GK: variants seen among roughly 807,000 people sequenced by gnomAD.
GK encodes the protein glycerol kinase.
A neutral mutation model predicts 56.4 loss-of-function variants in GK; 9 were observed. That is an observed-to-expected ratio of 0.16 (90% CI 0.10 to 0.28). GK has a LOEUF of 0.28. Among genes scored for constraint, GK ranks in the 10% least tolerant of loss-of-function variants. The pLI is 1.00. For synonymous variants in GK, 104 were observed against 144.1 expected (o/e 0.72, Z 1.99); for missense variants, 161 against 431.4 (o/e 0.37, Z 5.55).
At chrX:30,707,634 C>G (rs758082925) in intron 12 of GK, 36 bp downstream of exon 12, 2 of 726,656 alleles carry the variant, frequency 2.8e-6, no homozygotes, top group South Asian at 4.5e-5. Flanking sequence ...ATTTAAAAGT[C>G]TAAGTTCATC....
At chrX:30,692,528 G>T in intron 5 of GK, among the ~76,000 whole-genome samples, 1 of 109,579 alleles carries the variant, frequency 9.1e-6, no homozygotes, top group South Asian at 4.0e-4. Context: ...GCCCAGGCTG[G>T]AGTGCAGTGG....
chrX:30,664,139 T>A (rs1298690747), intron 1 of GK, among the ~76,000 whole-genome samples: 2 of 87,881 alleles, frequency 2.3e-5, no homozygotes, highest in South Asian at 4.8e-4. Flanking sequence ...TATATATATT[T>A]TATAGATATA....
At chrX:30,690,672 T>C (rs1172092441) in intron 4 of GK, among the ~76,000 whole-genome samples, 1 of 111,871 alleles carries the variant, frequency 8.9e-6, no homozygotes, top group Admixed American at 9.5e-5. Flanking sequence ...AGTTATCTAC[T>C]TTGTCTTAGT....
intron 3 of GK, among the ~76,000 whole-genome samples, chrX:30,675,813 A>AC (rs1933854360): frequency 1.8e-5 from 2 of 109,224 alleles, no homozygotes; most frequent in East Asian, 5.8e-4. Context: ...TTTTTGAGAT[A>AC]CAGTCTCCCT....
chrX:30,658,679 A>G (rs139716287), intron 1 of GK, among the ~76,000 whole-genome samples: 10 of 112,265 alleles, frequency 8.9e-5, no homozygotes, highest in Non-Finnish European at 1.9e-4. Flanking sequence ...CTTGCCCATC[A>G]CATTACACAA....
At chrX:30,712,625 G>A (rs142189644) in intron 13 of GK, among the ~76,000 whole-genome samples, 5,031 of 106,402 alleles carry the variant, frequency 0.047, 132 homozygotes, top group Non-Finnish European at 0.068. Context: ...ATTTATCTCC[G>A]AATACTTAAA....
At chrX:30,679,155 T>A (rs1167775055) in intron 4 of GK, among the ~76,000 whole-genome samples, 1 of 111,035 alleles carries the variant, frequency 9.0e-6, no homozygotes, top group Admixed American at 9.6e-5. Flanking sequence ...TTTACTTTCT[T>A]TTGTTTTCTT....
intron 2 of GK, among the ~76,000 whole-genome samples, chrX:30,666,208 CT>C (rs1933070458): frequency 8.9e-6 from 1 of 111,777 alleles, no homozygotes; most frequent in Non-Finnish European, 1.9e-5. Flanking sequence ...TTTATAGCTA[CT>C]TTATTAAAAG....
At chrX:30,658,402 G>A (rs113592709) in intron 1 of GK, among the ~76,000 whole-genome samples, 2,325 of 110,138 alleles carry the variant, frequency 0.021, 50 homozygotes, top group African/African-American at 0.072. Flanking sequence ...TGCACCCTCC[G>A]CCTCCCAGGT....
intron 9 of GK, 108 bp from the exon 10 acceptor site, chrX:30,700,306 T>A: frequency 2.0e-6 from 1 of 507,621 alleles, no homozygotes; most frequent in Admixed American, 2.8e-5. Flanking sequence ...TTGTCTTGTC[T>A]GCCCACATCC....
At chrX:30,667,888 C>G in intron 2 of GK, 124 bp from the exon 3 acceptor site, 1 of 492,719 alleles carries the variant, frequency 2.0e-6, no homozygotes, top group Non-Finnish European at 3.6e-6. Context: ...ATGTAATTTG[C>G]TTTGCTTAAT....
intron 18 of GK, chrX:30,721,896 A>G (rs1936926625): frequency 8.9e-6 from 1 of 112,641 alleles, no homozygotes; most frequent in Admixed American, 9.4e-5. Flanking sequence ...ATGTAGAAAA[A>G]TAAGGTTTTA....
At chrX:30,694,886 A>G (rs779310591) in intron 6 of GK, among the ~76,000 whole-genome samples, 1 of 112,049 alleles carries the variant, frequency 8.9e-6, no homozygotes, top group Non-Finnish European at 1.9e-5. Flanking sequence ...ATTTAGCAGG[A>G]TAAAATACCT....
At chrX:30,707,373 G>A (rs1214777041) in intron 11 of GK, among the ~76,000 whole-genome samples, 183 bp from the exon 12 acceptor site, 1 of 110,619 alleles carries the variant, frequency 9.0e-6, no homozygotes, top group Non-Finnish European at 1.9e-5. Context: ...TTTCTTCTAG[G>A]CTGATTTCTA....
rs1253862459 is a variant in GK, at chrX:30,731,022, A to G, written c.*2280A>G. On this transcript the variant is annotated 3_prime_UTR_variant, in exon 21 of 21. Coordinates refer to ENST00000427190, the MANE Select transcript of GK (RefSeq NM_001205019.2). ...CCTTGCATGGCTAACTTTGACCACCATTTTTCTCTCAACCTGATAGGCAAC... is the reference window on the plus strand; with the variant it reads ...CCTTGCATGGCTAACTTTGACCACCGTTTTTCTCTCAACCTGATAGGCAAC... 8.9e-6 allele frequency: 1 copy of G among 112,028 alleles called. No individual in the cohort carries two copies. The highest frequency in any genetic ancestry group is 1.9e-5 in the Non-Finnish European group (1 of 53,227). 9.2% of individuals were successfully genotyped at this position (112,028 alleles called of 1,213,427 possible).
At chrX:30,682,656 G>A (rs570326429) in intron 4 of GK, among the ~76,000 whole-genome samples, 17 of 112,197 alleles carry the variant, frequency 1.5e-4, no homozygotes, top group South Asian at 3.7e-4. Context: ...AGATTTTCAC[G>A]TATATTTGTC....
chrX:30,704,128 T>TATATATATATATA (rs1935848542), intron 11 of GK, among the ~76,000 whole-genome samples: 2 of 74,936 alleles, frequency 2.7e-5, no homozygotes, highest in Admixed American at 2.9e-4. Context: ...GTTATTCATT[T>TATATATATATATA]TATATATATA....
At position 30,727,567 on chromosome X, in the gene GK, A is replaced by G. The variant is rs745854910; in HGVS notation, c.1669+15A>G. 1.0e-6 allele frequency: 1 copy of G among 976,507 alleles called. No individual in the cohort carries two copies. The highest frequency in any genetic ancestry group is 1.5e-6 in the Non-Finnish European group (1 of 683,074). The allele number at this position is 976,507 out of a possible 1,213,427, so 80.5% of individuals were successfully genotyped here. On this transcript the variant is annotated intron_variant, in intron 20 of 20. Transcript: ENST00000427190. ...GTACATCTCAGGTTAGTTACTCTTT[A>G]AATTAGACAACTCTATTAGTTAGCT...
chrX:30,685,199 T>C (rs1048971702), intron 4 of GK, among the ~76,000 whole-genome samples: 1 of 110,317 alleles, frequency 9.1e-6, no homozygotes, highest in African/African-American at 3.3e-5. Flanking sequence ...TGGCGCGATC[T>C]CGGCTCACCG....
Sources: gnomAD v4.1 joint callset for allele counts (sites outside exome capture counted in the v4.1 genomes callset) on GRCh38, gnomAD v4.1.1 for gene constraint, MANE v1.5 for transcripts, NCBI Gene and HGNC (gene_info 2026-07-23, HGNC 2026-07-21) for gene names.